The following DPYSL3 variants were observed in gnomAD, a reference collection of about 807,000 sequenced individuals.
The protein encoded by DPYSL3 is dihydropyrimidinase-related protein 3.
A neutral mutation model predicts 66.1 loss-of-function variants in DPYSL3; 16 were observed. The ratio of observed to expected loss-of-function variants is 0.24; its 90% CI spans 0.16 to 0.37. The LOEUF (loss-of-function observed/expected upper bound fraction) is 0.37, where lower values mean the gene tolerates loss of function less well. DPYSL3 is among the 10% of genes least tolerant of loss of function. DPYSL3 has a pLI of 1.00. For missense variants in DPYSL3, 738 were observed against 916.2 expected (o/e 0.81, Z 2.51); for synonymous variants, 338 against 345.1 (o/e 0.98, Z 0.23).
intron 1 of DPYSL3, among the ~76,000 whole-genome samples, chr5:147,427,731 C>T (rs2126337406): frequency 6.6e-6 from 1 of 152,210 alleles, no homozygotes; most frequent in African/African-American, 2.4e-5. Flanking sequence ...TCCTGCCTGC[C>T]CCCAACCCCA....
chr5:147,471,738 C>T (rs1479334861), intron 1 of DPYSL3, among the ~76,000 whole-genome samples: 2 of 152,066 alleles, frequency 1.3e-5, no homozygotes, highest in African/African-American at 4.8e-5. Context: ...TACATAGAAA[C>T]TCATACATCA....
intron 1 of DPYSL3, among the ~76,000 whole-genome samples, chr5:147,493,857 A>C (rs1753456850): frequency 6.6e-6 from 1 of 152,198 alleles, no homozygotes; most frequent in Non-Finnish European, 1.5e-5. Flanking sequence ...AGAAATAAAT[A>C]ACAGAGAGAA....
intron 4 of DPYSL3, 93 bp downstream of exon 4, chr5:147,415,616 A>G (rs965256745): frequency 1.3e-5 from 19 of 1,485,962 alleles, no homozygotes; most frequent in Non-Finnish European, 1.6e-5. Context: ...CCAGGCTCCA[A>G]GTAAAAGACA....
intron 1 of DPYSL3, among the ~76,000 whole-genome samples, chr5:147,446,008 G>A (rs1043862798): frequency 5.3e-5 from 8 of 152,270 alleles, no homozygotes; most frequent in Non-Finnish European, 7.3e-5. Flanking sequence ...AACCAAAGCC[G>A]CTTATATCCA....
Position 147,509,486 on chromosome 5 carries a change from T to C in DPYSL3, c.373A>G (p.Lys125Glu). ...ACCCGGGGCCCCCTTACCTTGTCCT[T>C]GGGGCCGAGGTTCTGCAACACCTCT... ...GKEVLQNLGP[K>E]DKSDRLLIKG... Residue 125 changes from lysine to glutamate, a missense_variant, in exon 1 of 14, where the codon AAG (lysine) becomes GAG (glutamate). Coordinates refer to ENST00000343218, the MANE Select transcript of DPYSL3 (RefSeq NM_001197294.2). This position sits in a 1 kb window ranked among gnomAD's most constrained non-coding sequence, Gnocchi z 5.3. The C allele has an allele frequency of 6.6e-7, 1 of 1,522,216 alleles. No individual in the cohort carries two copies. The highest frequency in any genetic ancestry group is 1.2e-5 in the South Asian group (1 of 81,546). 94.3% of individuals were successfully genotyped at this position (1,522,216 alleles called of 1,614,324 possible).
intron 1 of DPYSL3, among the ~76,000 whole-genome samples, chr5:147,461,602 C>T (rs1468501562): frequency 6.6e-6 from 1 of 152,158 alleles, no homozygotes; most frequent in Non-Finnish European, 1.5e-5. Flanking sequence ...TTCACTACGG[C>T]CACCTACTAA....
At chr5:147,435,132 G>C (rs1581192919) in intron 1 of DPYSL3, among the ~76,000 whole-genome samples, 1 of 152,074 alleles carries the variant, frequency 6.6e-6, no homozygotes, top group African/African-American at 2.4e-5. Context: ...AGAGAGGAGA[G>C]AGGCAGGCAG....
At chr5:147,459,897 T>A (rs186066477) in intron 1 of DPYSL3, among the ~76,000 whole-genome samples, 5 of 152,120 alleles carry the variant, frequency 3.3e-5, no homozygotes, top group Admixed American at 1.3e-4. Flanking sequence ...GGTCATGAGG[T>A]CAGCAGATCA....
In DPYSL3 at chr5:147,509,425, G is replaced by C; in HGVS notation, c.381+53C>G. On this transcript the variant is annotated intron_variant, in intron 1 of 13. Transcript: ENST00000343218. The surrounding 1 kb of genome is among the most constrained non-coding windows in gnomAD (Gnocchi z 5.3). ...AGTTGTGCCCGGGCCATGGCGGCCAGGGCTGGAGAAAGGAACGAAGGCAAG... is the reference window on the plus strand; with the variant it reads ...AGTTGTGCCCGGGCCATGGCGGCCACGGCTGGAGAAAGGAACGAAGGCAAG... 1 of 1,460,126 alleles carries C rather than the reference G, an allele frequency of 6.8e-7. No individual in the cohort carries two copies. Among genetic ancestry groups the C allele is most frequent in the Non-Finnish European group, 9.0e-7 (1 of 1,109,978 alleles). The allele number at this position is 1,460,126 out of a possible 1,614,324, so 90.4% of individuals were successfully genotyped here. A position where few individuals can be genotyped will look rare whatever the true frequency, so the allele number is the denominator to read the frequency against.
intron 1 of DPYSL3, among the ~76,000 whole-genome samples, chr5:147,463,705 A>T (rs1036954911): frequency 1.3e-5 from 2 of 152,142 alleles, no homozygotes; most frequent in African/African-American, 4.8e-5. Flanking sequence ...GAGGCAATGC[A>T]GGGAACCGAC....
intron 6 of DPYSL3, among the ~76,000 whole-genome samples, chr5:147,409,154 C>T (rs992865753): frequency 6.6e-6 from 1 of 152,096 alleles, no homozygotes; most frequent in African/African-American, 2.4e-5. Context: ...GCTCTTTAAG[C>T]CATTTCACTC....
intron 9 of DPYSL3, among the ~76,000 whole-genome samples, chr5:147,401,156 T>C (rs1282431864): frequency 6.6e-6 from 1 of 152,240 alleles, no homozygotes; most frequent in Non-Finnish European, 1.5e-5. Flanking sequence ...ATTGTCATCA[T>C]GACCAACTAT....
At chr5:147,400,935 T>C in intron 9 of DPYSL3, 102 bp from the exon 10 acceptor site, 1 of 1,454,412 alleles carries the variant, frequency 6.9e-7, no homozygotes, top group East Asian at 2.4e-5. Context: ...CTCTGACTAT[T>C]TGGGTTTGGA....
rs1445805600 is a variant in DPYSL3, at chr5:147,397,796, A to T, written c.1673T>A (p.Leu558Gln). ...GATCTTGCCCTGGCAGATGACAACC[A>T]GAGGAGCCCCGCGCAGCTCCATCCC... ...FEGMELRGAPLVVICQGKIML... is the reference protein window; with the variant it reads ...FEGMELRGAPQVVICQGKIML... The change falls in exon 12 of 14, where the codon CTG becomes CAG. Residue 558 changes from leucine (L) to glutamine (Q), a missense_variant. Transcript: ENST00000343218. 4 of 1,613,952 alleles carry T rather than the reference A, an allele frequency of 2.5e-6. No individual in the cohort carries two copies.
chr5:147,499,824 G>A (rs1753576284), intron 1 of DPYSL3, among the ~76,000 whole-genome samples: 1 of 152,180 alleles, frequency 6.6e-6, no homozygotes, highest in East Asian at 1.9e-4. Flanking sequence ...CAGCAATCAA[G>A]ACAGTACAAT....
chr5:147,468,707 T>C (rs10075216), intron 1 of DPYSL3, among the ~76,000 whole-genome samples: 4 of 150,062 alleles, frequency 2.7e-5, no homozygotes, highest in Non-Finnish European at 5.9e-5. Context: ...AACTTAATAA[T>C]TTTTTTTCTT....
At chr5:147,440,458 T>C (rs1007474432) in intron 1 of DPYSL3, among the ~76,000 whole-genome samples, 1 of 152,254 alleles carries the variant, frequency 6.6e-6, no homozygotes, top group South Asian at 2.1e-4. Flanking sequence ...CCTCATGTTA[T>C]AGATTTATGG....
chr5:147,499,695 C>A (rs181113694), intron 1 of DPYSL3, among the ~76,000 whole-genome samples: 1 of 152,172 alleles, frequency 6.6e-6, no homozygotes, highest in South Asian at 2.1e-4. Context: ...TTGTTGATAT[C>A]AACAAACTGA....
At chr5:147,401,758 C>CTATT in intron 8 of DPYSL3, 62 bp from the exon 9 acceptor site, 1 of 1,590,548 alleles carries the variant, frequency 6.3e-7, no homozygotes, top group African/African-American at 1.3e-5. Flanking sequence ...TGGGCCAAGC[C>CTATT]TATTTAATTT....
Sources: allele counts gnomAD v4.1 joint callset (sites outside exome capture counted in the v4.1 genomes callset), GRCh38; gene constraint gnomAD v4.1.1; non-coding constraint Gnocchi (gnomAD v3.1); transcripts MANE v1.5; gene names NCBI Gene and HGNC (gene_info 2026-07-23, HGNC 2026-07-21).